UNC5B: variants seen among roughly 807,000 people sequenced by gnomAD.
The protein encoded by UNC5B is unc-5 netrin receptor B, also known as netrin receptor UNC5B.
Under a neutral mutation model 103.7 loss-of-function variants are expected in UNC5B, and 56 were observed. The observed-to-expected ratio is 0.54, with a 90% CI of 0.44 to 0.67. The LOEUF (loss-of-function observed/expected upper bound fraction) is 0.67. UNC5B is among the 30% of genes least tolerant of loss of function. UNC5B has a pLI of 0.00. For synonymous variants in UNC5B, 577 were observed against 542.0 expected, an observed-to-expected ratio of 1.06 and a Z score of -0.90; for missense variants, 1,194 against 1,284.5, an observed-to-expected ratio of 0.93 and a Z score of 1.08.
Position 71,279,891 on chromosome 10 carries a change from C to T in UNC5B, c.150C>T (p.Phe50=), listed in dbSNP as rs1173042718. The T allele has an allele frequency of 1.9e-6, 3 of 1,613,872 alleles. No homozygotes were observed. The highest frequency in any genetic ancestry group is 2.2e-5 in the South Asian group (2 of 91,088). ...PSAPAEPLPY[F]LQEPQDAYIV... ...CGCCAGCAGAGCCGCTGCCCTACTT[C>T]CTGCAGGAGCCACAGGACGCCTACA... Residue 50 remains phenylalanine, a synonymous_variant, in exon 2 of 17, where the codon TTC becomes TTT. Transcript: ENST00000335350.
At chr10:71,232,058 T>C (rs1843694285) in intron 1 of UNC5B, among the ~76,000 whole-genome samples, 1 of 152,194 alleles carries the variant, frequency 6.6e-6, no homozygotes, top group South Asian at 2.1e-4. Context: ...TGGGGAAACC[T>C]CCTTGTTGAA....
Position 71,291,008 on chromosome 10 carries a change from T to C in UNC5B, c.1193T>C (p.Val398Ala). The C allele has an allele frequency of 6.2e-7, 1 of 1,613,778 alleles. No homozygotes were observed. The highest frequency in any genetic ancestry group is 8.5e-7 in the Non-Finnish European group (1 of 1,179,872). The stretch of plus-strand genomic sequence containing the variant: ...ATCCTCATGGCGGTGGGGGTGGTGG[T>C]GTACCGCCGCAACTGCCGTGACTTC... The part of the protein sequence containing the change: ...VAILMAVGVV[V>A]YRRNCRDFDT... Residue 398 changes from valine (V) to alanine (A), a missense_variant, in exon 9 of 17, where the codon GTG becomes GCG. Coordinates refer to ENST00000335350, the MANE Select transcript of UNC5B (RefSeq NM_170744.5).
chr10:71,229,537 G>C (rs575521228), intron 1 of UNC5B, among the ~76,000 whole-genome samples: 2 of 152,196 alleles, frequency 1.3e-5, no homozygotes, highest in Non-Finnish European at 2.9e-5. Context: ...GAAAGGGGTC[G>C]CTGGAAGCGT....
At chr10:71,275,267 C>CT (rs2132294414) in intron 1 of UNC5B, among the ~76,000 whole-genome samples, 1 of 152,344 alleles carries the variant, frequency 6.6e-6, no homozygotes, top group Non-Finnish European at 1.5e-5. Flanking sequence ...GGAAAAAACA[C>CT]TTCATGTGGG....
chr10:71,248,867 T>TCACACA (rs56852987), intron 1 of UNC5B, among the ~76,000 whole-genome samples: 7 of 26,496 alleles, frequency 2.6e-4, no homozygotes, highest in Non-Finnish European at 6.9e-4. Context: ...TCTCTCTCTC[T>TCACACA]CACACACACA....
intron 1 of UNC5B, among the ~76,000 whole-genome samples, chr10:71,271,650 G>A (rs186995970): frequency 2.0e-5 from 3 of 152,232 alleles, no homozygotes; most frequent in Admixed American, 6.5e-5. Context: ...AGCCAGGCCC[G>A]GGCTCATCCC....
intron 1 of UNC5B, among the ~76,000 whole-genome samples, chr10:71,266,765 G>A (rs1431663650): frequency 6.6e-6 from 1 of 152,136 alleles, no homozygotes; most frequent in African/African-American, 2.4e-5. Flanking sequence ...CTTACTCGAG[G>A]TCTCCCTGTC....
intron 2 of UNC5B, 102 bp from the exon 3 acceptor site, chr10:71,284,618 G>T: frequency 2.6e-5 from 40 of 1,536,146 alleles, no homozygotes; most frequent in Non-Finnish European, 3.5e-5. Context: ...AGGCACTTGG[G>T]CAAGAGTGCC....
chr10:71,288,862 C>G, intron 7 of UNC5B, 96 bp from the exon 8 acceptor site: 1 of 1,567,592 alleles, frequency 6.4e-7, no homozygotes, highest in Non-Finnish European at 8.7e-7. Context: ...GTCCCCCCAC[C>G]ACATCCATCA....
chr10:71,293,825 C>T lies in UNC5B; in HGVS notation c.2067C>T (p.Arg689=). Reference sequence around the variant, plus strand: ...TGTTCACGGGCGAGTCCTATTCCCGCTCAGCAGTCAAGCGGCTCCAGCTGG... The same window carrying T: ...TGTTCACGGGCGAGTCCTATTCCCGTTCAGCAGTCAAGCGGCTCCAGCTGG... ...TYVFTGESYS[R]SAVKRLQLAV... is the part of the protein sequence containing the mutation. Residue 689 remains arginine (R), a synonymous_variant, in exon 13 of 17, where the codon CGC becomes CGT. Transcript: ENST00000335350. 1 of 1,612,122 alleles carries T rather than the reference C, an allele frequency of 6.2e-7. No individual in the cohort carries two copies. The highest frequency in any genetic ancestry group is 8.5e-7 in the Non-Finnish European group (1 of 1,179,524).
chr10:71,216,929 C>T (rs1226362938), intron 1 of UNC5B, among the ~76,000 whole-genome samples: 1 of 152,214 alleles, frequency 6.6e-6, no homozygotes, highest in Non-Finnish European at 1.5e-5. Flanking sequence ...CGTCTTTTGA[C>T]CCTCAGAGTT....
rs1053854294 is a variant in UNC5B at position 71,302,585 on chromosome 10, G to T, written c.*3308G>T. Reference sequence around the variant, plus strand: ...CTCCTGGACCCTCCAGGGCACTCTGGTCCCTATTCCCCAGCTCCTAGGCAG... The same window carrying T: ...CTCCTGGACCCTCCAGGGCACTCTGTTCCCTATTCCCCAGCTCCTAGGCAG... On this transcript the variant is annotated 3_prime_UTR_variant, in exon 17 of 17. Coordinates refer to ENST00000335350, the MANE Select transcript of UNC5B (RefSeq NM_170744.5). 1 of 152,040 alleles carries T rather than the reference G, an allele frequency of 6.6e-6. No homozygotes were observed. Among genetic ancestry groups the T allele is most frequent in the African/African-American group, 2.4e-5 (1 of 41,358 alleles). The allele number at this position is 152,040 out of a possible 1,614,324, so 9.4% of individuals were successfully genotyped here.
At chr10:71,256,638 C>A (rs1844296236) in intron 1 of UNC5B, among the ~76,000 whole-genome samples, 1 of 152,210 alleles carries the variant, frequency 6.6e-6, no homozygotes. Context: ...GCAGCCCAGT[C>A]CCCAGACTGG....
chr10:71,266,591 C>T (rs928294577), intron 1 of UNC5B, among the ~76,000 whole-genome samples: 1 of 152,222 alleles, frequency 6.6e-6, no homozygotes, highest in Non-Finnish European at 1.5e-5. Context: ...CTCCTTCTAG[C>T]TTGCATCAGC....
chr10:71,245,836 C>A (rs535045627), intron 1 of UNC5B, among the ~76,000 whole-genome samples: 1 of 152,324 alleles, frequency 6.6e-6, no homozygotes, highest in African/African-American at 2.4e-5. Context: ...TGTGACCCGG[C>A]TTGTCATCCT....
Position 71,296,012 on chromosome 10 carries a change from G to A in UNC5B, c.2325+52G>A, listed in dbSNP as rs373984616. ...GGGGCACCACTTAAGGGCTGCCCGG[G>A]AAGCCCAGCTCCCTCCCGGGCCCTG... On this transcript the variant is annotated intron_variant, in intron 14 of 16. Transcript: ENST00000335350. 2.2e-4 allele frequency: 360 copies of A among 1,610,044 alleles called. No individual in the cohort carries two copies. The African/African-American group carries it at 2.4e-3, about 11-fold the overall frequency.
chr10:71,293,990 C>A, intron 13 of UNC5B, 57 bp downstream of exon 13: 1 of 1,449,912 alleles, frequency 6.9e-7, no homozygotes, highest in Non-Finnish European at 9.2e-7. Flanking sequence ...ATGATCCCTG[C>A]CAGAATCCCC....
chr10:71,218,268 G>C (rs1843379788), intron 1 of UNC5B: 1 of 152,666 alleles, frequency 6.6e-6, no homozygotes, highest in Admixed American at 6.5e-5. Context: ...TGTATAGGCT[G>C]TGTCTGTGTT....
intron 1 of UNC5B, among the ~76,000 whole-genome samples, chr10:71,256,446 G>A (rs765975851): frequency 6.6e-6 from 1 of 152,266 alleles, no homozygotes; most frequent in Non-Finnish European, 1.5e-5. Flanking sequence ...AGCTCGAATG[G>A]AGGGAGATAA....
Sources: gnomAD v4.1 joint callset for allele counts (sites outside exome capture counted in the v4.1 genomes callset) on GRCh38, gnomAD v4.1.1 for gene constraint, MANE v1.5 for transcripts, NCBI Gene and HGNC (gene_info 2026-07-23, HGNC 2026-07-21) for gene names.